The following SLC13A3 variants were observed in gnomAD, a reference collection of about 807,000 sequenced individuals.
SLC13A3 encodes the protein Na(+)/dicarboxylate cotransporter 3.
Under a neutral mutation model 59.0 loss-of-function variants are expected in SLC13A3, and 40 were observed. That is an observed-to-expected ratio of 0.68 (90% CI 0.53 to 0.88). The LOEUF (loss-of-function observed/expected upper bound fraction) is 0.88, where lower values mean the gene tolerates loss of function less well. Among genes scored for constraint, SLC13A3 ranks in the 40% least tolerant of loss-of-function variants. The pLI, the probability that SLC13A3 is intolerant of heterozygous loss-of-function variation, is 0.00. For missense variants in SLC13A3, 699 were observed against 783.2 expected, an observed-to-expected ratio of 0.89 and a Z score of 1.28; for synonymous variants, 317 against 330.3, an observed-to-expected ratio of 0.96 and a Z score of 0.44.
chr20:46,565,766 C>A (rs911861978), intron 11 of SLC13A3, among the ~76,000 whole-genome samples: 1 of 152,150 alleles, frequency 6.6e-6, no homozygotes, highest in African/African-American at 2.4e-5. Flanking sequence ...GTGAGCAGAG[C>A]CCAGGGATGC....
intron 1 of SLC13A3, among the ~76,000 whole-genome samples, chr20:46,656,922 C>G (rs2062998119): frequency 6.6e-6 from 1 of 152,056 alleles, no homozygotes; most frequent in South Asian, 2.1e-4. Flanking sequence ...GTATAATATT[C>G]TTCAGTTATA....
At chr20:46,617,977 G>A (rs2062578116) in intron 1 of SLC13A3, among the ~76,000 whole-genome samples, 2 of 152,062 alleles carry the variant, frequency 1.3e-5, no homozygotes, top group East Asian at 1.9e-4. Context: ...ATGAGTCCTC[G>A]GTGGAGATTA....
chr20:46,600,994 G>A (rs1423093450), intron 3 of SLC13A3, among the ~76,000 whole-genome samples: 1 of 152,088 alleles, frequency 6.6e-6, no homozygotes, highest in Non-Finnish European at 1.5e-5. Flanking sequence ...AGAGCCCTGG[G>A]AAAAGGGTGC....
intron 1 of SLC13A3, among the ~76,000 whole-genome samples, chr20:46,642,406 G>A (rs2062853770): frequency 6.6e-6 from 1 of 152,150 alleles, no homozygotes; most frequent in Admixed American, 6.5e-5. Flanking sequence ...TCCCTTGTCT[G>A]GATGTTCTAA....
At chr20:46,569,923 A>C (rs2062015470) in intron 10 of SLC13A3, among the ~76,000 whole-genome samples, 1 of 152,222 alleles carries the variant, frequency 6.6e-6, no homozygotes, top group Non-Finnish European at 1.5e-5. Context: ...CAATATTTGA[A>C]GTCAAAAACT....
At chr20:46,566,508 A>T in intron 10 of SLC13A3, 118 bp from the exon 11 acceptor site, 1 of 1,142,924 alleles carries the variant, frequency 8.7e-7, no homozygotes, top group Non-Finnish European at 1.2e-6. Flanking sequence ...GGGGAGACTG[A>T]GGTGCAGAGA....
chr20:46,597,988 G>A (rs1382969180), intron 4 of SLC13A3, among the ~76,000 whole-genome samples: 1 of 151,970 alleles, frequency 6.6e-6, no homozygotes, highest in Non-Finnish European at 1.5e-5. Context: ...ACATTACATT[G>A]TATATCTTAA....
Position 46,587,256 on chromosome 20 carries a change from G to T in SLC13A3, c.1121+803C>A, listed in dbSNP as rs550846602. Reference sequence around the variant, plus strand: ...ATTAACTCATTTACCTTTACAACAAGTCAATGAAAAACGTACTAGTATAAT... The same window carrying T: ...ATTAACTCATTTACCTTTACAACAATTCAATGAAAAACGTACTAGTATAAT... On this transcript the variant is annotated intron_variant, in intron 8 of 12. Coordinates refer to ENST00000279027, the MANE Select transcript of SLC13A3 (RefSeq NM_022829.6). Among the ~76,000 whole-genome samples, 492 of 152,132 alleles carry T rather than the reference G, an allele frequency of 3.2e-3. 2 individuals are homozygous for T. The highest frequency in any genetic ancestry group is 0.011 in the African/African-American group (474 of 41,474).
intron 1 of SLC13A3, among the ~76,000 whole-genome samples, chr20:46,682,964 C>T (rs1000527901): frequency 6.6e-6 from 1 of 152,150 alleles, no homozygotes; most frequent in African/African-American, 2.4e-5. Context: ...CACCTAGGAA[C>T]ATTTGTTAAC....
At chr20:46,563,595 C>A in intron 11 of SLC13A3, 44 bp from the exon 12 acceptor site, 1 of 1,580,498 alleles carries the variant, frequency 6.3e-7, no homozygotes, top group South Asian at 1.1e-5. Context: ...GAGACCAACG[C>A]AGAGCGACCA....
chr20:46,582,302 A>T (rs970235994), intron 9 of SLC13A3, among the ~76,000 whole-genome samples: 8 of 151,370 alleles, frequency 5.3e-5, no homozygotes, highest in South Asian at 4.2e-4. Flanking sequence ...TTTATTTTTT[A>T]ATTTTTTGTA....
intron 2 of SLC13A3, among the ~76,000 whole-genome samples, chr20:46,612,714 C>G (rs2062511730): frequency 6.6e-6 from 1 of 152,022 alleles, no homozygotes; most frequent in Non-Finnish European, 1.5e-5. Flanking sequence ...TTAAGATTCA[C>G]CAAATTGCCA....
At position 46,590,988 on chromosome 20, in the gene SLC13A3, C is replaced by T. The variant is rs139162420; in HGVS notation, c.920+1416G>A. On this transcript the variant is annotated intron_variant, in intron 6 of 12. Transcript: ENST00000279027. ...AGCCTGGCCAACAGAGTAAACCCCT[C>T]TCTCTACCAAAAAAAAAAAAAGGCA... Among the ~76,000 whole-genome samples the T allele has an allele frequency of 4.0e-5, 6 of 150,324 alleles. No individual in the cohort carries two copies. The East Asian group carries it at 1.2e-3, about 29-fold the overall frequency.
chr20:46,659,606 CG>C (rs769678977), intron 1 of SLC13A3, among the ~76,000 whole-genome samples: 1 of 151,194 alleles, frequency 6.6e-6, no homozygotes, highest in Non-Finnish European at 1.5e-5. Context: ...TCCCAGCTAC[CG>C]GGGAGGCTGA....
upstream of SLC13A3, among the ~76,000 whole-genome samples, chr20:46,670,522 G>A (rs1171962871): frequency 6.6e-6 from 1 of 152,190 alleles, no homozygotes; most frequent in African/African-American, 2.4e-5. Flanking sequence ...TTGCACATTA[G>A]GGCTTGTCTT....
chr20:46,586,563 T>C (rs571485918), intron 8 of SLC13A3, among the ~76,000 whole-genome samples: 1 of 152,300 alleles, frequency 6.6e-6, no homozygotes, highest in Admixed American at 6.5e-5. Flanking sequence ...GTCTTGCATA[T>C]CTAACTGCCT....
chr20:46,583,002 G>C, intron 9 of SLC13A3: 2 of 985,866 alleles, frequency 2.0e-6, no homozygotes, highest in Non-Finnish European at 2.4e-6. Context: ...CTTCCTATAC[G>C]GTTGAAACCC....
At chr20:46,577,888 C>A (rs1167792608) in intron 9 of SLC13A3, among the ~76,000 whole-genome samples, 1 of 152,252 alleles carries the variant, frequency 6.6e-6, no homozygotes, top group African/African-American at 2.4e-5. Context: ...AATGGGCTAA[C>A]AGCACTTCCC....
At chr20:46,602,878 G>A (rs2062393671) in intron 3 of SLC13A3, among the ~76,000 whole-genome samples, 1 of 152,066 alleles carries the variant, frequency 6.6e-6, no homozygotes, top group Non-Finnish European at 1.5e-5. Context: ...TTGTTAAGAG[G>A]ATTAAAGAGT....
Sources: allele counts gnomAD v4.1 joint callset (sites outside exome capture counted in the v4.1 genomes callset), GRCh38; gene constraint gnomAD v4.1.1; transcripts MANE v1.5; gene names NCBI Gene and HGNC (gene_info 2026-07-23, HGNC 2026-07-21).